The following PREP variants were observed in gnomAD, a reference collection of about 807,000 sequenced individuals.
PREP encodes dJ355L5.1 (prolyl endopeptidase).
In PREP, 29 loss-of-function variants were observed where a neutral mutation model predicts 87.6. The ratio of observed to expected loss-of-function variants is 0.33; its 90% confidence interval spans 0.25 to 0.45. The LOEUF (loss-of-function observed/expected upper bound fraction) is 0.45. PREP is among the 20% of genes least tolerant of loss of function. The pLI is 1.00. For synonymous variants in PREP, 337 were observed against 328.6 expected, an observed-to-expected ratio of 1.03 and a Z score of -0.28; for missense variants, 695 against 886.5, an observed-to-expected ratio of 0.78 and a Z score of 2.74.
At chr6:105,321,111 T>C (rs1366536625) in intron 10 of PREP, among the ~76,000 whole-genome samples, 2 of 152,206 alleles carry the variant, frequency 1.3e-5, no homozygotes, top group African/African-American at 4.8e-5. Flanking sequence ...AATTCTATTT[T>C]AATAACAGTA....
chr6:105,376,132 T>G lies in PREP; in HGVS notation c.378A>C (p.Ala126=). ...TCTCTGTGTAGCACTTACCTCGGAG[T>G]GCCACTGTGCCATCGTCAGACAGTA... is the stretch of plus-strand genomic sequence containing the variant. The part of the protein sequence containing the change: ...PNILSDDGTV[A]LRGYAFSEDG... Residue 126 remains alanine (A), a synonymous_variant, in exon 4 of 15, where the codon GCA becomes GCC. Transcript: ENST00000652536. 1 of 1,613,006 alleles carries G rather than the reference T, an allele frequency of 6.2e-7. No individual in the cohort carries two copies. Among genetic ancestry groups the G allele is most frequent in the Non-Finnish European group, 8.5e-7 (1 of 1,179,476 alleles).
At position 105,333,429 on chromosome 6, in the gene PREP, G is replaced by A; in HGVS notation, c.900C>T (p.Phe300=). Residue 300 remains phenylalanine (F), a synonymous_variant, in exon 8 of 15, where the codon TTC becomes TTT. Transcript: ENST00000652536. ...GAGACTGGCGATTCGTCTTGAATGT[G>A]AACACCGTCCCCTCATTGGTCACGT... The part of the protein sequence containing the change: ...YDYVTNEGTV[F]TFKTNRQSPN... The A allele has an allele frequency of 6.2e-7, 1 of 1,614,188 alleles. No individual in the cohort carries two copies. The highest frequency in any genetic ancestry group is 1.1e-5 in the South Asian group (1 of 91,088).
At chr6:105,379,958 C>T (rs1465114799) in intron 2 of PREP, among the ~76,000 whole-genome samples, 2 of 152,210 alleles carry the variant, frequency 1.3e-5, no homozygotes, top group Non-Finnish European at 2.9e-5. Flanking sequence ...TTGGCCTGAA[C>T]TGTTTGCTAC....
At position 105,373,518 on chromosome 6, in the gene PREP, T is replaced by C. The variant is rs1243928505; in HGVS notation, c.446A>G (p.Asp149Gly). The change falls in exon 5 of 15, where the codon GAC (aspartate) becomes GGC (glycine). Residue 149 changes from aspartate (D) to glycine (G), a missense_variant. Asp to Gly is a moderately conservative substitution (Grantham distance 94, BLOSUM62 -1). Transcript: ENST00000652536. ...FAYGLSASGS[D>G]WVTIKFMKVD... The stretch of plus-strand genomic sequence containing the variant: ...TTTCATGAACTTGATTGTCACCCAG[T>C]CTGAGCCACTGGCACTCAGACCATA... 1.2e-6 allele frequency: 2 copies of C among 1,614,202 alleles called. No homozygotes were observed. The highest frequency in any genetic ancestry group is 1.7e-6 in the Non-Finnish European group (2 of 1,180,032).
intron 6 of PREP, among the ~76,000 whole-genome samples, chr6:105,356,066 C>G (rs1772091034): frequency 6.6e-6 from 1 of 152,048 alleles, no homozygotes; most frequent in Non-Finnish European, 1.5e-5. Context: ...TATTTTTCCT[C>G]TTGGCTATCA....
chr6:105,277,814 A>ATAAG lies in PREP; in HGVS notation c.*326_*329dup. ...AAAGATATAGAGGTTATGGATATAG[A>ATAAG]TAAGTATGCCCGACTATGATCCTTA... is the stretch of plus-strand genomic sequence containing the variant. On this transcript the variant is annotated 3_prime_UTR_variant, in exon 15 of 15. Transcript: ENST00000652536. 1 of 320,406 alleles carries ATAAG rather than the reference A, an allele frequency of 3.1e-6. No homozygotes were observed. Among genetic ancestry groups the ATAAG allele is most frequent in the South Asian group, 4.9e-5 (1 of 20,542 alleles). 19.8% of individuals were successfully genotyped at this position (320,406 alleles called of 1,614,324 possible). A position where few individuals can be genotyped will look rare whatever the true frequency, so the allele number is the denominator to read the frequency against.
rs1193614673 is a variant in PREP, at chr6:105,374,725, A to G, written c.386-1147T>C. Among the ~76,000 whole-genome samples the G allele has an allele frequency of 3.5e-5, 5 of 140,862 alleles. No homozygotes were observed. In the East Asian group the frequency reaches 1.1e-3, roughly 30 times the overall value. The allele number at this position is 140,862 out of a possible 152,430, so 92.4% of individuals were successfully genotyped here. A position where few individuals can be genotyped will look rare whatever the true frequency, so the allele number is the denominator to read the frequency against. On this transcript the variant is annotated intron_variant, in intron 4 of 14. Coordinates refer to ENST00000652536, the MANE Select transcript of PREP (RefSeq NM_002726.5). ...ATTTTCAGAAAAATTTAAATAAAAC[A>G]TTTTGATTTGAAAAGTATGTTTAAA...
intron 2 of PREP, among the ~76,000 whole-genome samples, chr6:105,395,514 T>G (rs1773266900): frequency 6.6e-6 from 1 of 152,162 alleles, no homozygotes; most frequent in Non-Finnish European, 1.5e-5. Flanking sequence ...AATGCAGAAC[T>G]CCCGGTAAAG....
intron 9 of PREP, among the ~76,000 whole-genome samples, chr6:105,327,012 G>T (rs1345613480): frequency 6.6e-6 from 1 of 152,194 alleles, no homozygotes; most frequent in Non-Finnish European, 1.5e-5. Context: ...TGATGAGCTT[G>T]TTCCTGACAT....
At chr6:105,300,623 TA>T (rs138225078) in intron 10 of PREP, among the ~76,000 whole-genome samples, 1,883 of 146,674 alleles carry the variant, frequency 0.013, 14 homozygotes, top group African/African-American at 0.015. Context: ...TGCTTTATGT[TA>T]AAAAAAAAAA....
chr6:105,391,603 C>T (rs1299947277), intron 2 of PREP, among the ~76,000 whole-genome samples: 2 of 152,168 alleles, frequency 1.3e-5, no homozygotes, highest in Non-Finnish European at 2.9e-5. Context: ...GGAGATGTTA[C>T]TGGGAGTAGT....
intron 10 of PREP, chr6:105,302,853 C>G: frequency 2.9e-6 from 1 of 340,848 alleles, no homozygotes; most frequent in South Asian, 2.4e-5. Flanking sequence ...GCCGCCTGCT[C>G]CGAGGGCTAA....
intron 6 of PREP, among the ~76,000 whole-genome samples, chr6:105,360,528 C>A (rs1772218974): frequency 6.6e-6 from 1 of 152,254 alleles, no homozygotes; most frequent in East Asian, 1.9e-4. Flanking sequence ...CCACATTAAT[C>A]CATTAACAAT....
At position 105,355,510 on chromosome 6, in the gene PREP, C is replaced by T. The variant is rs568624961; in HGVS notation, c.718-2433G>A. Among the ~76,000 whole-genome samples the T allele has an allele frequency of 3.3e-5, 5 of 152,304 alleles. No individual in the cohort carries two copies. The South Asian group carries it at 8.3e-4, about 25-fold the overall frequency. On this transcript the variant is annotated intron_variant, in intron 6 of 14. Transcript: ENST00000652536. ...TCCCTATATGCAATATGTGTTTTCT[C>T]CTCTGGCTGCTTTTAGTATTTTGTT... is the stretch of plus-strand genomic sequence containing the variant.
At chr6:105,364,576 C>T (rs1333077172) in intron 6 of PREP, among the ~76,000 whole-genome samples, 1 of 152,176 alleles carries the variant, frequency 6.6e-6, no homozygotes, top group African/African-American at 2.4e-5. Flanking sequence ...GGTTCCTCCA[C>T]CCACACCCAC....
chr6:105,397,826 C>T (rs748982199), intron 2 of PREP, 27 bp downstream of exon 2: 1 of 1,552,632 alleles, frequency 6.4e-7, no homozygotes, highest in Non-Finnish European at 8.9e-7. Context: ...CTAAGGCTGC[C>T]TTATCTTTAA....
rs528378103 is a variant in PREP, at chr6:105,395,965, C to T, written c.120+1888G>A. Among the ~76,000 whole-genome samples, 11 of 152,308 alleles carry T rather than the reference C, an allele frequency of 7.2e-5. No homozygotes were observed. In the South Asian group the frequency reaches 1.5e-3, roughly 20 times the overall value. Reference sequence around the variant, plus strand: ...GACCCAATCCCTCTGTCTCAGTCAGCCCAGTGTTGAACAATCAAGGTAATC... The same window carrying T: ...GACCCAATCCCTCTGTCTCAGTCAGTCCAGTGTTGAACAATCAAGGTAATC... On this transcript the variant is annotated intron_variant, in intron 2 of 14. Transcript: ENST00000652536.
rs572019330 is a variant in PREP at position 105,328,001 on chromosome 6, G to C, written c.1213+828C>G. The stretch of plus-strand genomic sequence containing the variant: ...TGTTTACTTTGGGGAAAATTAACCC[G>C]TACCATGAAATGTAAAACCACAACT... On this transcript the variant is annotated intron_variant, in intron 9 of 14. Coordinates refer to ENST00000652536, the MANE Select transcript of PREP (RefSeq NM_002726.5). Among the ~76,000 whole-genome samples, 11 of 152,160 alleles carry C rather than the reference G, an allele frequency of 7.2e-5. No individual in the cohort carries two copies. In the East Asian group the frequency reaches 2.1e-3, roughly 29 times the overall value.
At chr6:105,400,706 C>T (rs961579434) in intron 1 of PREP, among the ~76,000 whole-genome samples, 5 of 152,132 alleles carry the variant, frequency 3.3e-5, no homozygotes, top group Admixed American at 1.3e-4. Flanking sequence ...AAGCAATGGT[C>T]GATGGTATTG....
Sources: gnomAD v4.1 joint callset for allele counts (sites outside exome capture counted in the v4.1 genomes callset) on GRCh38, gnomAD v4.1.1 for gene constraint, MANE v1.5 for transcripts, NCBI Gene and HGNC (gene_info 2026-07-23, HGNC 2026-07-21) for gene names.